The following TMEM126A variants were observed in gnomAD, a reference collection of about 807,000 sequenced individuals.
TMEM126A encodes the protein optic atrophy 7.
TMEM126A carries 10 observed loss-of-function variants against 18.3 expected under a neutral mutation model. That is an observed-to-expected ratio of 0.55 (90% CI 0.34 to 0.93). TMEM126A has a LOEUF of 0.93. Ranked by LOEUF, TMEM126A falls within the 40% of genes least tolerant of loss-of-function variation. The probability of loss-of-function intolerance (pLI) is 0.02; values close to 1 mark genes in which losing one functional copy is unlikely to be tolerated. For synonymous variants in TMEM126A, 68 were observed against 78.1 expected (o/e 0.87, Z 0.68); for missense variants, 246 against 230.2 (o/e 1.07, Z -0.44).
At position 85,656,448 on chromosome 11, in the gene TMEM126A, A is replaced by C. The variant is rs2082541059; in HGVS notation, c.535A>C (p.Lys179Gln). 6.2e-7 allele frequency: 1 copy of C among 1,613,382 alleles called. No individual in the cohort carries two copies. Among genetic ancestry groups the C allele is most frequent in the South Asian group, 1.1e-5 (1 of 91,054 alleles). Residue 179 changes from lysine (K) to glutamine (Q), a missense_variant, in exon 5 of 5, where the codon AAA becomes CAA. Coordinates refer to ENST00000304511, the MANE Select transcript of TMEM126A (RefSeq NM_032273.4). The stretch of plus-strand genomic sequence containing the variant: ...AGCATACCTTGGGTCTGAACAATAT[A>C]AACTACTTATAAAGGCCCTTCAGTT... The part of the protein sequence containing the change: ...FSAYLGSEQY[K>Q]LLIKALQLSE...
chr11:85,648,330 CA>C (rs1415074280), intron 1 of TMEM126A, among the ~76,000 whole-genome samples: 1 of 152,230 alleles, frequency 6.6e-6, no homozygotes, highest in African/African-American at 2.4e-5. Flanking sequence ...TGTCAATTTA[CA>C]AGGTGACCAC....
In TMEM126A at chr11:85,650,908, AAAGTACAAAAAT is replaced by A. The variant is rs554252073; in HGVS notation, c.86+568_86+579del. ...ACATGGTGAAACCTCATCTCTACTA[AAAGTACAAAAAT>A]TAGCTGGGCGTGGTGGCAGGTGCCT... On this transcript the variant is annotated intron_variant, in intron 2 of 4. Transcript: ENST00000304511. 1.4e-4 allele frequency among the ~76,000 whole-genome samples: 22 copies of A among 152,098 alleles called. 1 individual carries two copies. In the South Asian group the frequency reaches 4.6e-3, roughly 32 times the overall value.
At chr11:85,649,437 A>G (rs1038514789) in intron 1 of TMEM126A, among the ~76,000 whole-genome samples, 2 of 152,250 alleles carry the variant, frequency 1.3e-5, no homozygotes, top group African/African-American at 4.8e-5. Flanking sequence ...CAAATATTCA[A>G]CAAAGGCTGT....
intron 2 of TMEM126A, among the ~76,000 whole-genome samples, chr11:85,652,487 A>G (rs2082508245): frequency 6.6e-6 from 1 of 152,176 alleles, no homozygotes; most frequent in African/African-American, 2.4e-5. Flanking sequence ...TTTCTGATCT[A>G]CAGCAATACT....
chr11:85,653,106 A>T (rs538886879), intron 2 of TMEM126A, among the ~76,000 whole-genome samples: 1 of 152,296 alleles, frequency 6.6e-6, no homozygotes, highest in South Asian at 2.1e-4. Flanking sequence ...TCTCGTTTAC[A>T]TCTCTTTCTT....
intron 2 of TMEM126A, among the ~76,000 whole-genome samples, chr11:85,653,615 A>G (rs2082516863): frequency 6.6e-6 from 1 of 152,234 alleles, no homozygotes; most frequent in South Asian, 2.1e-4. Context: ...AGTACCTAGC[A>G]TAGGGTATTG....
chr11:85,648,848 A>C (rs2082479992), intron 1 of TMEM126A, among the ~76,000 whole-genome samples: 2 of 152,172 alleles, frequency 1.3e-5, no homozygotes, highest in Admixed American at 1.3e-4. Flanking sequence ...GTAGCAATAA[A>C]TATTTAAACG....
intron 2 of TMEM126A, among the ~76,000 whole-genome samples, chr11:85,653,197 G>T (rs572176136): frequency 6.6e-6 from 1 of 152,270 alleles, no homozygotes; most frequent in South Asian, 2.1e-4. Context: ...GCTGCATACA[G>T]TGGGGTTCTC....
At position 85,655,541 on chromosome 11, in the gene TMEM126A, C is replaced by T. The variant is rs2082531590; in HGVS notation, c.281-53C>T. 5 of 1,281,488 alleles carry T rather than the reference C, an allele frequency of 3.9e-6. No homozygotes were observed. In the South Asian group the frequency reaches 6.0e-5, roughly 15 times the overall value. 79.4% of individuals were successfully genotyped at this position (1,281,488 alleles called of 1,614,324 possible). On this transcript the variant is annotated intron_variant, in intron 3 of 4. Transcript: ENST00000304511. ...AAAGAGGATCTTACATTCTTTAAAT[C>T]ATGTTTGCTTGACTATCATGACCTT...
intron 4 of TMEM126A, among the ~76,000 whole-genome samples, 154 bp from the exon 5 acceptor site, chr11:85,656,151 TAAAG>T (rs1030552807): frequency 6.6e-6 from 1 of 152,166 alleles, no homozygotes; most frequent in African/African-American, 2.4e-5. Flanking sequence ...GCAAACTGGA[TAAAG>T]AAACAAAAGT....
chr11:85,650,408 C>A, intron 2 of TMEM126A, 67 bp downstream of exon 2: 2 of 1,163,358 alleles, frequency 1.7e-6, no homozygotes, highest in East Asian at 2.4e-5. Flanking sequence ...TTCATTATCT[C>A]AAGTTTATCT....
At position 85,650,307 on chromosome 11, in the gene TMEM126A, T is replaced by G. The variant is rs1299509411; in HGVS notation, c.52T>G (p.Ser18Ala). 3 of 1,608,994 alleles carry G rather than the reference T, an allele frequency of 1.9e-6. No homozygotes were observed. The highest frequency in any genetic ancestry group is 2.2e-5 in the East Asian group (1 of 44,742). The change falls in exon 2 of 5, where the codon TCC becomes GCC. Residue 18 changes from serine (S) to alanine (A), a missense_variant. Ser to Ala is a moderately conservative substitution (Grantham distance 99). Coordinates refer to ENST00000304511, the MANE Select transcript of TMEM126A (RefSeq NM_032273.4). ...NKENITIVDI[S>A]RKINQLPEAE... is the part of the protein sequence containing the mutation. ...GGAAAACATAACAATTGTTGATATA[T>G]CCAGAAAAATTAACCAGCTTCCAGA... is the stretch of plus-strand genomic sequence containing the variant.
At chr11:85,655,740 AT>A in intron 4 of TMEM126A, 32 bp downstream of exon 4, 1 of 1,451,402 alleles carries the variant, frequency 6.9e-7, no homozygotes, top group Non-Finnish European at 9.7e-7. Context: ...ATAATATGTG[AT>A]TACCTATAAA....
chr11:85,655,767 C>T, intron 4 of TMEM126A, 59 bp downstream of exon 4: 1 of 1,257,752 alleles, frequency 8.0e-7, no homozygotes, highest in South Asian at 1.2e-5. Flanking sequence ...CAACTTAAAG[C>T]AGCAAATATA....
At chr11:85,651,889 C>A (rs1372143291) in intron 2 of TMEM126A, among the ~76,000 whole-genome samples, 1 of 152,154 alleles carries the variant, frequency 6.6e-6, no homozygotes, top group East Asian at 1.9e-4. Context: ...GTAGGCTGGG[C>A]ATGGTGGCTC....
chr11:85,649,495 T>C (rs118178704), intron 1 of TMEM126A, among the ~76,000 whole-genome samples: 278 of 152,364 alleles, frequency 1.8e-3, no homozygotes, highest in Admixed American at 3.6e-3. Flanking sequence ...CTTTAAAGTT[T>C]GCTGAGCCCT....
At position 85,654,110 on chromosome 11, in the gene TMEM126A, T is replaced by C; in HGVS notation, c.134T>C (p.Leu45Pro). The C allele has an allele frequency of 6.2e-7, 1 of 1,614,212 alleles. No homozygotes were observed. The highest frequency in any genetic ancestry group is 8.5e-7 in the Non-Finnish European group (1 of 1,180,042). ...GTTTATGTTGGATTAAATGCTGCTCTTTGTGGCCTCATAGCAAACAGTCTT... is the reference window on the plus strand; with the variant it reads ...GTTTATGTTGGATTAAATGCTGCTCCTTGTGGCCTCATAGCAAACAGTCTT... ...GSVYVGLNAALCGLIANSLFR... is the reference protein window; with the variant it reads ...GSVYVGLNAAPCGLIANSLFR... Residue 45 changes from leucine (L) to proline (P), a missense_variant, in exon 3 of 5, where the codon CTT becomes CCT. Leu to Pro is a moderately conservative substitution (Grantham distance 98). Transcript: ENST00000304511.
At chr11:85,648,991 G>A (rs1401802613) in intron 1 of TMEM126A, among the ~76,000 whole-genome samples, 3 of 148,198 alleles carry the variant, frequency 2.0e-5, no homozygotes, top group Non-Finnish European at 4.4e-5. Flanking sequence ...CTGGAGTGCA[G>A]TGGCGAGATC....
intron 2 of TMEM126A, 98 bp from the exon 3 acceptor site, chr11:85,653,965 G>C: frequency 5.1e-6 from 7 of 1,371,676 alleles, no homozygotes; most frequent in Non-Finnish European, 7.3e-6. Flanking sequence ...GTCGTATCCA[G>C]TTAGTGTATT....
Sources: allele counts gnomAD v4.1 joint callset (sites outside exome capture counted in the v4.1 genomes callset), GRCh38; gene constraint gnomAD v4.1.1; transcripts MANE v1.5; gene names NCBI Gene and HGNC (gene_info 2026-07-23, HGNC 2026-07-21).